GFRA1: variants seen among roughly 807,000 people sequenced by gnomAD.
GFRA1 encodes GDNF family receptor alpha-1.
Under a neutral mutation model 51.6 loss-of-function variants are expected in GFRA1, and 16 were observed. That is an observed-to-expected ratio of 0.31 (90% CI 0.21 to 0.47). GFRA1 has a LOEUF of 0.47. Among genes scored for constraint, GFRA1 ranks in the 20% least tolerant of loss-of-function variants. The pLI is 1.00. For missense variants in GFRA1, 530 were observed against 594.3 expected, an observed-to-expected ratio of 0.89 and a Z score of 1.13; for synonymous variants, 270 against 241.3, an observed-to-expected ratio of 1.12 and a Z score of -1.10.
intron 5 of GFRA1, among the ~76,000 whole-genome samples, chr10:116,140,370 G>C (rs1170428490): frequency 2.6e-5 from 4 of 152,186 alleles, no homozygotes; most frequent in African/African-American, 9.6e-5. Flanking sequence ...TTAACAGAAA[G>C]GAAATCCATC....
At chr10:116,259,209 G>T (rs555280461) in intron 4 of GFRA1, among the ~76,000 whole-genome samples, 49 of 152,266 alleles carry the variant, frequency 3.2e-4, no homozygotes, top group Middle Eastern at 3.4e-3. Flanking sequence ...AATCACAGTT[G>T]GCATGGTGCT....
At chr10:116,244,418 TTA>T (rs1383744166) in intron 4 of GFRA1, among the ~76,000 whole-genome samples, 1 of 147,064 alleles carries the variant, frequency 6.8e-6, no homozygotes, top group Non-Finnish European at 1.5e-5. Flanking sequence ...AAATTTAATT[TTA>T]TTTCATTTAA....
intron 4 of GFRA1, among the ~76,000 whole-genome samples, chr10:116,258,567 T>C (rs1372943219): frequency 1.3e-5 from 2 of 151,792 alleles, no homozygotes; most frequent in African/African-American, 4.8e-5. Flanking sequence ...TTTATGCAGT[T>C]CGTGCACTTC....
At chr10:116,175,466 C>T (rs1267166316) in intron 5 of GFRA1, among the ~76,000 whole-genome samples, 1 of 152,164 alleles carries the variant, frequency 6.6e-6, no homozygotes, top group Non-Finnish European at 1.5e-5. Flanking sequence ...GTTAGATTAC[C>T]ATGCATAGAT....
At chr10:116,100,636 G>A (rs1436480223) in intron 6 of GFRA1, among the ~76,000 whole-genome samples, 1 of 152,170 alleles carries the variant, frequency 6.6e-6, no homozygotes, top group African/African-American at 2.4e-5. Context: ...AACCCGAGAA[G>A]TAACATGATC....
At chr10:116,117,479 G>A (rs948280588) in intron 6 of GFRA1, among the ~76,000 whole-genome samples, 1 of 145,692 alleles carries the variant, frequency 6.9e-6, no homozygotes, top group African/African-American at 2.6e-5. Context: ...CTGCACTGTA[G>A]GTGAAATATC....
intron 5 of GFRA1, among the ~76,000 whole-genome samples, chr10:116,198,219 T>C (rs74949561): frequency 0.045 from 6,727 of 150,662 alleles, 281 homozygotes; most frequent in African/African-American, 0.11. Flanking sequence ...GGTTTCCTGA[T>C]GCAGGATATT....
chr10:116,062,973 T>TGTCA lies in GFRA1; in HGVS notation c.*1421_*1424dup, dbSNP rs1954893965. 6.6e-6 allele frequency: 1 copy of TGTCA among 152,258 alleles called. No individual in the cohort carries two copies. Among genetic ancestry groups the TGTCA allele is most frequent in the Non-Finnish European group, 1.5e-5 (1 of 68,082 alleles). The allele number at this position is 152,258 out of a possible 1,614,324, so 9.4% of individuals were successfully genotyped here. On this transcript the variant is annotated 3_prime_UTR_variant, in exon 11 of 11. Coordinates refer to ENST00000355422, the MANE Select transcript of GFRA1 (RefSeq NM_005264.8). Reference sequence around the variant, plus strand: ...TTCTCTTCTAACATGGTCTGCAGTCTGTCACGGAGGACATGAAACAAGATG... The same window carrying TGTCA: ...TTCTCTTCTAACATGGTCTGCAGTCTGTCAGTCACGGAGGACATGAAACAAGATG...
At chr10:116,111,705 G>A (rs1486929949) in intron 6 of GFRA1, among the ~76,000 whole-genome samples, 1 of 152,202 alleles carries the variant, frequency 6.6e-6, no homozygotes, top group Non-Finnish European at 1.5e-5. Flanking sequence ...CTCTAAGGCA[G>A]CAGGGAATGG....
At chr10:116,116,780 T>C (rs941178866) in intron 6 of GFRA1, among the ~76,000 whole-genome samples, 2 of 152,216 alleles carry the variant, frequency 1.3e-5, no homozygotes, top group Non-Finnish European at 2.9e-5. Flanking sequence ...AAGAACTTAA[T>C]GAGCTTGTAT....
chr10:116,181,680 C>T (rs1565632609), intron 5 of GFRA1, among the ~76,000 whole-genome samples: 1 of 152,040 alleles, frequency 6.6e-6, no homozygotes, highest in Non-Finnish European at 1.5e-5. Context: ...CTGTATCACC[C>T]AGGCTGGAGT....
chr10:116,079,984 G>A (rs963884630), intron 9 of GFRA1, among the ~76,000 whole-genome samples: 1 of 152,086 alleles, frequency 6.6e-6, no homozygotes, highest in African/African-American at 2.4e-5. Flanking sequence ...CACAGGCCAC[G>A]AAGACCAGAA....
chr10:116,207,233 C>T (rs542733288), intron 5 of GFRA1, among the ~76,000 whole-genome samples: 2 of 152,362 alleles, frequency 1.3e-5, no homozygotes, highest in South Asian at 4.1e-4. Context: ...CTGCAAAGGT[C>T]GCAACCCTGC....
At chr10:116,195,121 C>G (rs1269949018) in intron 5 of GFRA1, among the ~76,000 whole-genome samples, 3 of 152,102 alleles carry the variant, frequency 2.0e-5, no homozygotes, top group Non-Finnish European at 4.4e-5. Flanking sequence ...GTTTGCCAAC[C>G]CCTGTGCTAA....
intron 4 of GFRA1, among the ~76,000 whole-genome samples, chr10:116,246,136 GA>G (rs1967847484): frequency 6.6e-6 from 1 of 152,176 alleles, no homozygotes; most frequent in Admixed American, 6.5e-5. Flanking sequence ...CCACACTAAA[GA>G]GACATGTTAA....
At chr10:116,065,249 C>A (rs1478311773) in intron 10 of GFRA1, among the ~76,000 whole-genome samples, 3 of 152,186 alleles carry the variant, frequency 2.0e-5, no homozygotes, top group Non-Finnish European at 2.9e-5. Context: ...TAGAGAACAT[C>A]TGGTAAGCAG....
intron 4 of GFRA1, among the ~76,000 whole-genome samples, chr10:116,221,092 A>G (rs1246435498): frequency 6.6e-6 from 1 of 152,218 alleles, no homozygotes; most frequent in Non-Finnish European, 1.5e-5. Flanking sequence ...ATGCTTTCAG[A>G]GTTTTCTGTA....
intron 5 of GFRA1, among the ~76,000 whole-genome samples, chr10:116,142,364 C>G (rs1156522761): frequency 6.6e-6 from 1 of 152,192 alleles, no homozygotes; most frequent in Non-Finnish European, 1.5e-5. Context: ...GAGAAAAGCC[C>G]TGTGCATCTT....
At chr10:116,173,889 T>C (rs1961305944) in intron 5 of GFRA1, among the ~76,000 whole-genome samples, 1 of 152,014 alleles carries the variant, frequency 6.6e-6, no homozygotes, top group Admixed American at 6.5e-5. Context: ...GAGACCAGCC[T>C]GACCAACATA....
Sources: allele counts gnomAD v4.1 joint callset (sites outside exome capture counted in the v4.1 genomes callset), GRCh38; gene constraint gnomAD v4.1.1; transcripts MANE v1.5; gene names NCBI Gene and HGNC (gene_info 2026-07-23, HGNC 2026-07-21).